Variants in LYPD6B observed in about 807,000 individuals in gnomAD.
LYPD6B encodes the protein ly6/PLAUR domain-containing protein 6B.
In LYPD6B, 17 loss-of-function variants were observed where a neutral mutation model predicts 22.8. The observed-to-expected ratio is 0.75, with a 90% CI of 0.51 to 1.12. The LOEUF (loss-of-function observed/expected upper bound fraction) is 1.12, where lower values mean the gene tolerates loss of function less well. Ranked by LOEUF, LYPD6B falls within the 50% of genes most tolerant of loss-of-function variation. The pLI is 0.00. For synonymous variants in LYPD6B, 106 were observed against 91.6 expected (o/e 1.16, Z -0.90); for missense variants, 221 against 258.3 (o/e 0.86, Z 0.99).
At chr2:149,072,398 A>G (rs1006882201) in intron 1 of LYPD6B, among the ~76,000 whole-genome samples, 3 of 151,934 alleles carry the variant, frequency 2.0e-5, no homozygotes, top group African/African-American at 7.3e-5. Context: ...GATAATAAAC[A>G]AACACGTAAG....
intron 3 of LYPD6B, among the ~76,000 whole-genome samples, chr2:149,192,808 A>G (rs1291176429): frequency 1.3e-5 from 2 of 152,198 alleles, no homozygotes; most frequent in Non-Finnish European, 2.9e-5. Context: ...GGGTAAATGC[A>G]AATTGATCTG....
intron 1 of LYPD6B, among the ~76,000 whole-genome samples, chr2:149,115,043 AT>A (rs1574991700): frequency 6.6e-6 from 1 of 152,100 alleles, no homozygotes; most frequent in Non-Finnish European, 1.5e-5. Context: ...GGTTCAATTG[AT>A]TCTCCTGCCT....
chr2:149,182,444 C>T (rs900157563), intron 3 of LYPD6B, among the ~76,000 whole-genome samples: 4 of 152,192 alleles, frequency 2.6e-5, no homozygotes, highest in Non-Finnish European at 5.9e-5. Flanking sequence ...CAGTAGCAGC[C>T]ATTTAATCAT....
intron 1 of LYPD6B, among the ~76,000 whole-genome samples, chr2:149,110,584 A>G (rs34118104): frequency 0.22 from 33,172 of 152,140 alleles, 4,611 homozygotes; most frequent in East Asian, 0.57. Context: ...TGAGTACCGT[A>G]TCATAAGACC....
intron 2 of LYPD6B, among the ~76,000 whole-genome samples, chr2:149,134,528 A>C (rs1688238195): frequency 2.0e-5 from 3 of 152,200 alleles, no homozygotes; most frequent in Admixed American, 1.3e-4. Context: ...GAGTTGTTTT[A>C]CTGCCCCTGC....
chr2:149,109,356 G>A (rs1403630729), intron 1 of LYPD6B, among the ~76,000 whole-genome samples: 2 of 151,984 alleles, frequency 1.3e-5, no homozygotes, highest in African/African-American at 4.8e-5. Context: ...CTTCTTGCTT[G>A]CATTGTTTCT....
chr2:149,213,229 T>A (rs1693988717), intron 6 of LYPD6B, 107 bp downstream of exon 6: 1 of 1,426,088 alleles, frequency 7.0e-7, no homozygotes, highest in African/African-American at 1.4e-5. Flanking sequence ...CATGTTTACA[T>A]TTTGAGGAAA....
chr2:149,080,166 G>T (rs748170207), intron 1 of LYPD6B, among the ~76,000 whole-genome samples: 1 of 152,202 alleles, frequency 6.6e-6, no homozygotes, highest in Admixed American at 6.5e-5. Flanking sequence ...CTCGCTTGAA[G>T]GCACTAAGGA....
Position 149,205,128 on chromosome 2 carries a change from T to G in LYPD6B, c.78-125T>G, listed in dbSNP as rs377314975. 405 of 935,024 alleles carry G rather than the reference T, an allele frequency of 4.3e-4. No individual in the cohort carries two copies. The African/African-American group carries it at 6.0e-3, about 14-fold the overall frequency. 57.9% of individuals were successfully genotyped at this position (935,024 alleles called of 1,614,324 possible). A position where few individuals can be genotyped will look rare whatever the true frequency, so the allele number is the denominator to read the frequency against. ...AACAATGCAATTTACTCGCAGGTCC[T>G]GGCCCTACACAACAGGTAGATGGTT... On this transcript the variant is annotated intron_variant, in intron 3 of 6. Coordinates refer to ENST00000409642, the MANE Select transcript of LYPD6B (RefSeq NM_177964.5).
chr2:149,127,390 G>A (rs1687762385), intron 1 of LYPD6B, among the ~76,000 whole-genome samples: 1 of 152,162 alleles, frequency 6.6e-6, no homozygotes, highest in Non-Finnish European at 1.5e-5. Context: ...GATCAGGACT[G>A]ATCTGGGACT....
intron 2 of LYPD6B, among the ~76,000 whole-genome samples, chr2:149,148,727 C>T (rs778583118): frequency 6.6e-6 from 1 of 152,198 alleles, no homozygotes; most frequent in Non-Finnish European, 1.5e-5. Context: ...TTAAACCCCT[C>T]TCTGTGCCCT....
chr2:149,053,339 C>T (rs567199188), intron 1 of LYPD6B, among the ~76,000 whole-genome samples: 1 of 152,248 alleles, frequency 6.6e-6, no homozygotes, highest in South Asian at 2.1e-4. Flanking sequence ...AATAGCTTAA[C>T]AAAGTCTTCA....
rs1694099838 is a variant in LYPD6B at position 149,214,988 on chromosome 2, C to T, written c.*278C>T. On this transcript the variant is annotated 3_prime_UTR_variant, in exon 7 of 7. Transcript: ENST00000409642. ...GGCAGTTCTGCAGAGAGGATCCTGG[C>T]AACTAGTCCCACCTGACTAGGCCTT... is the stretch of plus-strand genomic sequence containing the variant. 2.3e-6 allele frequency: 1 copy of T among 433,496 alleles called. No individual in the cohort carries two copies. Among genetic ancestry groups the T allele is most frequent in the Non-Finnish European group, 4.2e-6 (1 of 237,962 alleles). 26.9% of individuals were successfully genotyped at this position (433,496 alleles called of 1,614,324 possible).
chr2:149,120,465 C>A (rs1448462199), intron 1 of LYPD6B, among the ~76,000 whole-genome samples: 1 of 140,908 alleles, frequency 7.1e-6, no homozygotes, highest in Admixed American at 7.4e-5. Flanking sequence ...TCACTGCAAG[C>A]TTCGCCTCCC....
chr2:149,092,197 G>GT (rs922218273), intron 1 of LYPD6B, among the ~76,000 whole-genome samples: 4 of 151,620 alleles, frequency 2.6e-5, no homozygotes, highest in African/African-American at 9.7e-5. Context: ...TGATGGGGGG[G>GT]GAATTTTAGA....
rs532211365 is a variant in LYPD6B, at chr2:149,134,699, C to T, written c.5+3746C>T. On this transcript the variant is annotated intron_variant, in intron 2 of 6. Transcript: ENST00000409642. ...TGGTATGGGAGGAGGCAAAGGAATG[C>T]AAGAGCTTTGCATTAGCCAAATTTG... is the stretch of plus-strand genomic sequence containing the variant. Among the ~76,000 whole-genome samples, 49 of 152,236 alleles carry T rather than the reference C, an allele frequency of 3.2e-4. No homozygotes were observed. In the South Asian group the frequency reaches 8.1e-3, roughly 25 times the overall value.
chr2:149,077,975 C>T (rs1268193610), intron 1 of LYPD6B, among the ~76,000 whole-genome samples: 1 of 152,098 alleles, frequency 6.6e-6, no homozygotes, highest in African/African-American at 2.4e-5. Context: ...GCTGCTGTTT[C>T]CTGGAGGGCA....
At chr2:149,146,880 A>G (rs1189991165) in intron 2 of LYPD6B, among the ~76,000 whole-genome samples, 2 of 152,302 alleles carry the variant, frequency 1.3e-5, no homozygotes, top group Non-Finnish European at 2.9e-5. Context: ...ATCTTCTACA[A>G]ATTTTATTAT....
chr2:149,093,362 T>G (rs1344356942), intron 1 of LYPD6B, among the ~76,000 whole-genome samples: 1 of 152,148 alleles, frequency 6.6e-6, no homozygotes, highest in Non-Finnish European at 1.5e-5. Context: ...AGGGCAGGAA[T>G]AGGCCCTGGT....
Sources: gnomAD v4.1 joint callset for allele counts (sites outside exome capture counted in the v4.1 genomes callset) on GRCh38, gnomAD v4.1.1 for gene constraint, MANE v1.5 for transcripts, NCBI Gene and HGNC (gene_info 2026-07-23, HGNC 2026-07-21) for gene names.